The following ZNF738 variants were observed in gnomAD, a reference collection of about 807,000 sequenced individuals.
ZNF738 encodes the protein zinc finger protein 738.
A neutral mutation model predicts 9.2 loss-of-function variants in ZNF738; 10 were observed. That is an observed-to-expected ratio of 1.09 (90% CI 0.67 to 1.85). The LOEUF is 1.85. Among genes scored for constraint, ZNF738 ranks in the 40% most tolerant of loss-of-function variants. The probability of loss-of-function intolerance (pLI) is 0.00; values close to 1 mark genes in which losing one functional copy is unlikely to be tolerated. For missense variants in ZNF738, 346 were observed against 283.6 expected (o/e 1.22, Z -1.58); for synonymous variants, 113 against 94.5 (o/e 1.20, Z -1.14).
intron 2 of ZNF738, chr19:21,372,177 G>A (rs1973865884): frequency 6.6e-6 from 1 of 152,100 alleles, no homozygotes; most frequent in Non-Finnish European, 1.5e-5. Flanking sequence ...CCCGACCTCA[G>A]GTGACCTACC....
intron 4 of ZNF738, chr19:21,381,592 C>T: frequency 1.7e-6 from 1 of 576,134 alleles, no homozygotes; most frequent in Middle Eastern, 4.9e-4. Flanking sequence ...CTCCCGGGTT[C>T]ACGCCATACT....
At position 21,383,990 on chromosome 19, in the gene ZNF738, A is replaced by G; in HGVS notation, c.*316A>G. 6.8e-7 allele frequency: 1 copy of G among 1,475,968 alleles called. No homozygotes were observed. Among genetic ancestry groups the G allele is most frequent in the Non-Finnish European group, 9.4e-7 (1 of 1,058,796 alleles). 91.4% of individuals were successfully genotyped at this position (1,475,968 alleles called of 1,614,324 possible). ...ATAAGTTGATTCATACTGGAGAGAAACCCTACAAATGTGAAGAATGTGGCA... is the reference window on the plus strand; with the variant it reads ...ATAAGTTGATTCATACTGGAGAGAAGCCCTACAAATGTGAAGAATGTGGCA... On this transcript the variant is annotated 3_prime_UTR_variant, in exon 5 of 5. Transcript: ENST00000683779.
At chr19:21,381,833 GA>G (rs1974008710) in intron 4 of ZNF738, 2 of 293,530 alleles carry the variant, frequency 6.8e-6, no homozygotes, top group East Asian at 8.9e-5. Context: ...GGTTACTGCT[GA>G]AGGTGTCAGG....
intron 2 of ZNF738, among the ~76,000 whole-genome samples, chr19:21,366,390 G>A (rs1973780067): frequency 6.6e-6 from 1 of 152,174 alleles, no homozygotes; most frequent in Non-Finnish European, 1.5e-5. Flanking sequence ...ACTTTCCTAA[G>A]TTGTGCCTCC....
rs185578044 is a variant in ZNF738, at chr19:21,373,394, G to C, written c.97-1844G>C. ...TTCAAGATACATTCATGAGAGTTAA[G>C]TTCCACCTTTGCACTAAAAGGTAGT... On this transcript the variant is annotated intron_variant, in intron 2 of 4. Coordinates refer to ENST00000683779, the MANE Select transcript of ZNF738 (RefSeq NM_001355237.2). Among the ~76,000 whole-genome samples, 1,350 of 152,282 alleles carry C rather than the reference G, an allele frequency of 8.9e-3. 14 individuals are homozygous for C. Among genetic ancestry groups the C allele is most frequent in the Admixed American group, 0.013 (196 of 15,302 alleles).
In ZNF738 at chr19:21,384,439, A is replaced by G. The variant is rs960778113; in HGVS notation, c.*765A>G. On this transcript the variant is annotated 3_prime_UTR_variant, in exon 5 of 5. Coordinates refer to ENST00000683779, the MANE Select transcript of ZNF738 (RefSeq NM_001355237.2). ...TACAAATGTTTAGAATGTGGCAAAGATTTCTACCAATTCTCATACCTTACT... is the reference window on the plus strand; with the variant it reads ...TACAAATGTTTAGAATGTGGCAAAGGTTTCTACCAATTCTCATACCTTACT... Among the ~76,000 whole-genome samples the G allele has an allele frequency of 6.7e-6, 1 of 150,236 alleles. No individual in the cohort carries two copies. Among genetic ancestry groups the G allele is most frequent in the African/African-American group, 2.5e-5 (1 of 40,718 alleles).
At position 21,359,020 on chromosome 19, in the gene ZNF738, C is replaced by T. The variant is rs1973644190; in HGVS notation, c.-121C>T. On this transcript the variant is annotated 5_prime_UTR_variant, in exon 1 of 5. Transcript: ENST00000683779. ...TCTTTGTCTTTGGCTGCCGCTGGAACTCCGGGTCTCGTCTTCACTGCTCTG... is the reference window on the plus strand; with the variant it reads ...TCTTTGTCTTTGGCTGCCGCTGGAATTCCGGGTCTCGTCTTCACTGCTCTG... The T allele has an allele frequency of 2.6e-6, 2 of 775,186 alleles. No individual in the cohort carries two copies. Among genetic ancestry groups the T allele is most frequent in the Non-Finnish European group, 4.7e-6 (2 of 423,988 alleles). 48.0% of individuals were successfully genotyped at this position (775,186 alleles called of 1,614,324 possible). A position where few individuals can be genotyped will look rare whatever the true frequency, so the allele number is the denominator to read the frequency against.
At chr19:21,361,658 C>G in intron 1 of ZNF738, 108 bp from the exon 2 acceptor site, 1 of 701,762 alleles carries the variant, frequency 1.4e-6, no homozygotes. Context: ...TAGTTTTTTC[C>G]CGGTCCTGGG....
chr19:21,379,357 T>C (rs1973979059), intron 4 of ZNF738: 1 of 152,244 alleles, frequency 6.6e-6, no homozygotes, highest in Non-Finnish European at 1.5e-5. Flanking sequence ...TGGCATACTT[T>C]GAACAATTGT....
chr19:21,382,106 C>T (rs1174903219), intron 4 of ZNF738, among the ~76,000 whole-genome samples: 1 of 107,708 alleles, frequency 9.3e-6, no homozygotes, highest in African/African-American at 3.9e-5. Flanking sequence ...TGCTCTGTTG[C>T]CCAGGCTAGA....
At position 21,385,451 on chromosome 19, in the gene ZNF738, A is replaced by T. The variant is rs1450359933; in HGVS notation, c.*1777A>T. 1.3e-5 allele frequency among the ~76,000 whole-genome samples: 2 copies of T among 151,594 alleles called. No homozygotes were observed. The highest frequency in any genetic ancestry group is 4.8e-5 in the African/African-American group (2 of 41,262). On this transcript the variant is annotated 3_prime_UTR_variant, in exon 5 of 5. Coordinates refer to ENST00000683779, the MANE Select transcript of ZNF738 (RefSeq NM_001355237.2). ...AGCCTGGATGACAGAGAGAGACTCT[A>T]TCTCCAAAAAAATAAATAAATAAAT...
chr19:21,376,120 TTTG>T, intron 4 of ZNF738, 156 bp downstream of exon 4: 2 of 468,980 alleles, frequency 4.3e-6, no homozygotes, highest in Non-Finnish European at 7.9e-6. Context: ...TTGTTTTCTT[TTTG>T]TTGTTGTTAC....
chr19:21,364,190 C>G (rs1973742298), intron 2 of ZNF738, among the ~76,000 whole-genome samples: 1 of 12,974 alleles, frequency 7.7e-5, no homozygotes, highest in African/African-American at 3.0e-4. Flanking sequence ...GAGCGAGAAT[C>G]CGTCTCAAAA....
chr19:21,377,478 C>A (rs1017979478), intron 4 of ZNF738: 11 of 701,930 alleles, frequency 1.6e-5, no homozygotes, highest in East Asian at 5.4e-5. Flanking sequence ...ATATTTGGAA[C>A]CTTAGTGTGA....
intron 1 of ZNF738, among the ~76,000 whole-genome samples, chr19:21,360,971 C>A (rs907367257): frequency 7.3e-4 from 111 of 151,836 alleles, no homozygotes; most frequent in Non-Finnish European, 5.9e-5. Flanking sequence ...TGCACCACCA[C>A]GCCCAGCTGA....
In ZNF738 at chr19:21,384,043, C is replaced by A; in HGVS notation, c.*369C>A. 6.4e-7 allele frequency: 1 copy of A among 1,559,650 alleles called. No individual in the cohort carries two copies. The highest frequency in any genetic ancestry group is 1.7e-4 in the Middle Eastern group (1 of 5,922). The stretch of plus-strand genomic sequence containing the variant: ...GCTTTCTACCGATTCATTTACCTTA[C>A]TACACATAAGAGAATTCACACTGGA... On this transcript the variant is annotated 3_prime_UTR_variant, in exon 5 of 5. Coordinates refer to ENST00000683779, the MANE Select transcript of ZNF738 (RefSeq NM_001355237.2).
At chr19:21,360,143 T>C (rs987580212) in intron 1 of ZNF738, among the ~76,000 whole-genome samples, 3 of 152,200 alleles carry the variant, frequency 2.0e-5, no homozygotes, top group African/African-American at 7.2e-5. Flanking sequence ...CAATTTTGTT[T>C]CTCTGAATTT....
chr19:21,366,438 A>G (rs940989963), intron 2 of ZNF738, among the ~76,000 whole-genome samples: 2 of 152,112 alleles, frequency 1.3e-5, no homozygotes, highest in Non-Finnish European at 2.9e-5. Flanking sequence ...TATGGACTCA[A>G]AGTCAGCCAA....
Position 21,387,708 on chromosome 19 carries a change from G to T in ZNF738, c.*4034G>T, listed in dbSNP as rs1974082983. Among the ~76,000 whole-genome samples the T allele has an allele frequency of 6.6e-6, 1 of 152,114 alleles. No homozygotes were observed. The highest frequency in any genetic ancestry group is 2.1e-4 in the South Asian group (1 of 4,830). The stretch of plus-strand genomic sequence containing the variant: ...AGATAAGGGCAATTACTGTCAAAAG[G>T]TCTTTCAGAAAAATATAACCCTTTA... On this transcript the variant is annotated 3_prime_UTR_variant, in exon 5 of 5. Transcript: ENST00000683779.
Sources: gnomAD v4.1 joint callset for allele counts (sites outside exome capture counted in the v4.1 genomes callset) on GRCh38, gnomAD v4.1.1 for gene constraint, MANE v1.5 for transcripts, NCBI Gene and HGNC (gene_info 2026-07-23, HGNC 2026-07-21) for gene names.